The following ZNF215 variants were observed in gnomAD, a reference collection of about 807,000 sequenced individuals.
The protein encoded by ZNF215 is zinc finger protein 215.
In ZNF215, 24 loss-of-function variants were observed where a neutral mutation model predicts 27.2. The observed-to-expected ratio is 0.88, with a 90% confidence interval of 0.64 to 1.24. The LOEUF is 1.24. Ranked by LOEUF, ZNF215 falls within the 50% of genes most tolerant of loss-of-function variation. The pLI is 0.00. For synonymous variants in ZNF215, 210 were observed against 204.0 expected (o/e 1.03, Z -0.25); for missense variants, 675 against 605.7 (o/e 1.11, Z -1.20).
chr11:6,928,409 G>C (rs560505384), intron 2 of ZNF215, among the ~76,000 whole-genome samples: 1 of 152,166 alleles, frequency 6.6e-6, no homozygotes, highest in South Asian at 2.1e-4. Flanking sequence ...AATGTTTCAA[G>C]TATGTTGTAC....
At chr11:6,960,955 T>C (rs1476738541), downstream of ZNF215, among the ~76,000 whole-genome samples, 1 of 152,188 alleles carries the variant, frequency 6.6e-6, no homozygotes, top group Non-Finnish European at 1.5e-5. Context: ...TTATTAGCTG[T>C]AGGTCAAATT....
At chr11:6,975,193 C>A (rs556589420) in intron 5 of ZNF215, among the ~76,000 whole-genome samples, 2 of 152,030 alleles carry the variant, frequency 1.3e-5, no homozygotes, top group South Asian at 4.1e-4. Flanking sequence ...TGCTGGATTA[C>A]GTTTATTGAT....
intron 6 of ZNF215, among the ~76,000 whole-genome samples, chr11:6,945,232 C>T (rs887511349): frequency 1.3e-5 from 2 of 152,240 alleles, no homozygotes; most frequent in East Asian, 1.9e-4. Context: ...TAAATACCCT[C>T]GGTCCCCGCT....
At chr11:6,952,947 C>T (rs1850140460) in intron 6 of ZNF215, among the ~76,000 whole-genome samples, 1 of 152,084 alleles carries the variant, frequency 6.6e-6, no homozygotes, top group Admixed American at 6.5e-5. Flanking sequence ...CAAAATCTCT[C>T]AGCATTTGCT....
intron 6 of ZNF215, among the ~76,000 whole-genome samples, chr11:6,949,919 A>G (rs1378849175): frequency 6.6e-6 from 1 of 152,154 alleles, no homozygotes; most frequent in African/African-American, 2.4e-5. Context: ...ATAAGGTGTA[A>G]GGAAGGGATC....
At chr11:6,979,314 T>A (rs923551234) in intron 5 of ZNF215, among the ~76,000 whole-genome samples, 5 of 92,786 alleles carry the variant, frequency 5.4e-5, no homozygotes, top group Admixed American at 4.2e-4. Context: ...TACAATTTGC[T>A]TATTGAATAA....
rs940460652 is a variant in ZNF215, at chr11:6,941,771, T to C, written c.483+118T>C. 413 of 1,045,930 alleles carry C rather than the reference T, an allele frequency of 3.9e-4. 5 individuals are homozygous for C. Among genetic ancestry groups the C allele is most frequent in the Non-Finnish European group, 6.4e-5 (46 of 715,834 alleles). 64.8% of individuals were successfully genotyped at this position (1,045,930 alleles called of 1,614,324 possible). A position where few individuals can be genotyped will look rare whatever the true frequency, so the allele number is the denominator to read the frequency against. ...TGGTTCCATCCAAGAACATGAGACTTTTATTTTCCCACAGGACACTGGACC... is the reference window on the plus strand; with the variant it reads ...TGGTTCCATCCAAGAACATGAGACTCTTATTTTCCCACAGGACACTGGACC... On this transcript the variant is annotated intron_variant, in intron 4 of 6. Transcript: ENST00000278319.
chr11:6,966,597 A>T (rs1163372902), intron 5 of ZNF215, among the ~76,000 whole-genome samples: 1 of 152,134 alleles, frequency 6.6e-6, no homozygotes, highest in Non-Finnish European at 1.5e-5. Context: ...TCCTTTTAAT[A>T]TCTATAGGAT....
intron 5 of ZNF215, among the ~76,000 whole-genome samples, chr11:6,978,379 G>GA (rs1398792356): frequency 6.6e-6 from 1 of 152,006 alleles, no homozygotes; most frequent in Non-Finnish European, 1.5e-5. Flanking sequence ...GAAACATTTA[G>GA]AACAGAGATT....
chr11:6,953,766 C>T (rs567875294), intron 6 of ZNF215, among the ~76,000 whole-genome samples: 5 of 152,260 alleles, frequency 3.3e-5, no homozygotes, highest in Admixed American at 1.3e-4. Context: ...GGCTTTGTTC[C>T]GTTGCTTGTG....
chr11:6,952,751 T>C (rs996801932), intron 6 of ZNF215, among the ~76,000 whole-genome samples: 15 of 152,168 alleles, frequency 9.9e-5, no homozygotes, highest in African/African-American at 3.6e-4. Context: ...GTTAATATTG[T>C]TATGTGTGAG....
At chr11:6,990,772 A>G (rs1380714730), downstream of ZNF215, among the ~76,000 whole-genome samples, 1 of 150,582 alleles carries the variant, frequency 6.6e-6, no homozygotes, top group African/African-American at 2.4e-5. Flanking sequence ...ACATGTGCGC[A>G]CACACACAAA....
chr11:6,962,449 G>A (rs187956620), downstream of ZNF215, among the ~76,000 whole-genome samples: 27 of 152,246 alleles, frequency 1.8e-4, no homozygotes, highest in Admixed American at 3.3e-4. Flanking sequence ...GATCCAAATT[G>A]ATCTGATAAG....
intron 3 of ZNF215, among the ~76,000 whole-genome samples, chr11:6,940,435 G>C (rs1447537416): frequency 6.6e-6 from 1 of 152,088 alleles, no homozygotes; most frequent in Non-Finnish European, 1.5e-5. Context: ...CTCCCAAGTA[G>C]ATGAGACCAC....
intron 2 of ZNF215, among the ~76,000 whole-genome samples, chr11:6,929,241 A>G (rs972184983): frequency 1.1e-4 from 17 of 152,226 alleles, no homozygotes; most frequent in African/African-American, 4.1e-4. Context: ...AAAAGTTTCT[A>G]AATAAATTGG....
At chr11:6,991,061 C>T (rs1590093216), downstream of ZNF215, among the ~76,000 whole-genome samples, 1 of 152,194 alleles carries the variant, frequency 6.6e-6, no homozygotes, top group Admixed American at 6.5e-5. Context: ...AAATTATATC[C>T]TCCTTTTCAA....
At chr11:6,973,065 G>A (rs1289081727) in intron 5 of ZNF215, among the ~76,000 whole-genome samples, 3 of 151,866 alleles carry the variant, frequency 2.0e-5, no homozygotes. Flanking sequence ...CCCCACAACA[G>A]GCCCCGGTGT....
intron 5 of ZNF215, among the ~76,000 whole-genome samples, chr11:6,976,071 T>G (rs1850828902): frequency 6.6e-6 from 1 of 152,098 alleles, no homozygotes; most frequent in Non-Finnish European, 1.5e-5. Context: ...CATTGTAGTT[T>G]TGATTTGCAT....
chr11:6,958,597 A>G (rs113858866), downstream of ZNF215, among the ~76,000 whole-genome samples: 992 of 152,326 alleles, frequency 6.5e-3, 10 homozygotes, highest in African/African-American at 0.023. Flanking sequence ...GAGGGACAGA[A>G]CCAATAGGAT....
Sources: gnomAD v4.1 joint callset for allele counts (sites outside exome capture counted in the v4.1 genomes callset) on GRCh38, gnomAD v4.1.1 for gene constraint, MANE v1.5 for transcripts, NCBI Gene and HGNC (gene_info 2026-07-23, HGNC 2026-07-21) for gene names.